Variants in ST18 observed in about 807,000 individuals in gnomAD.
The protein encoded by ST18 is suppression of tumorigenicity 18 protein.
ST18 carries 50 observed loss-of-function variants against 110.0 expected under a neutral mutation model. That is an observed-to-expected ratio of 0.45 (90% confidence interval 0.36 to 0.58). The LOEUF is 0.58. Among genes scored for constraint, ST18 ranks in the 20% least tolerant of loss-of-function variants. ST18 has a pLI of 0.00. For missense variants in ST18, 1,306 were observed against 1,280.1 expected (o/e 1.02, Z -0.31); for synonymous variants, 461 against 452.4 (o/e 1.02, Z -0.24).
chr8:52,147,159 A>G (rs1336022979), intron 16 of ST18, among the ~76,000 whole-genome samples: 1 of 152,186 alleles, frequency 6.6e-6, no homozygotes, highest in Non-Finnish European at 1.5e-5. Context: ...AAGAGCATCA[A>G]TCCACTCTAA....
chr8:52,378,862 G>A (rs879943459), intron 2 of ST18, among the ~76,000 whole-genome samples: 2 of 152,036 alleles, frequency 1.3e-5, no homozygotes, highest in Admixed American at 1.3e-4. Context: ...TCATTTTCTT[G>A]ATCTCATCAA....
chr8:52,382,924 G>A (rs1342040809), intron 2 of ST18, among the ~76,000 whole-genome samples: 1 of 152,260 alleles, frequency 6.6e-6, no homozygotes, highest in Admixed American at 6.5e-5. Flanking sequence ...TTCTGAAGAA[G>A]AGGCTCAGAG....
At chr8:52,339,223 C>T (rs1051083384) in intron 2 of ST18, among the ~76,000 whole-genome samples, 1 of 152,078 alleles carries the variant, frequency 6.6e-6, no homozygotes, top group African/African-American at 2.4e-5. Flanking sequence ...TGCTCTGAGC[C>T]CCAAGAGGCC....
intron 2 of ST18, among the ~76,000 whole-genome samples, chr8:52,339,842 T>A (rs1403699578): frequency 6.6e-6 from 1 of 152,270 alleles, no homozygotes; most frequent in African/African-American, 2.4e-5. Context: ...GTGGATCTTT[T>A]GACACCTTTA....
chr8:52,218,271 G>C (rs1306799031), intron 5 of ST18, among the ~76,000 whole-genome samples: 1 of 151,908 alleles, frequency 6.6e-6, no homozygotes, highest in East Asian at 1.9e-4. Context: ...AATAATTGCA[G>C]AAAATGTCAT....
intron 2 of ST18, among the ~76,000 whole-genome samples, chr8:52,285,407 T>G (rs2095453286): frequency 6.6e-6 from 1 of 152,218 alleles, no homozygotes; most frequent in Non-Finnish European, 1.5e-5. Flanking sequence ...CTGAGAAAAC[T>G]GTCTATACCT....
intron 2 of ST18, among the ~76,000 whole-genome samples, chr8:52,383,262 C>A (rs16917794): frequency 0.016 from 2,405 of 152,128 alleles, 65 homozygotes; most frequent in African/African-American, 0.055. Flanking sequence ...AGAAGGAGAA[C>A]AAATTCTATC....
intron 2 of ST18, among the ~76,000 whole-genome samples, chr8:52,231,485 C>CT (rs796253533): frequency 0.013 from 1,861 of 142,952 alleles, 21 homozygotes; most frequent in Admixed American, 0.029. Context: ...ACCTGGGTGG[C>CT]TTTTTTTTTT....
At chr8:52,315,582 C>A (rs1437643754) in intron 2 of ST18, among the ~76,000 whole-genome samples, 1 of 152,112 alleles carries the variant, frequency 6.6e-6, no homozygotes, top group Non-Finnish European at 1.5e-5. Flanking sequence ...GTATTTTCAG[C>A]CATCGTCCAC....
chr8:52,314,966 G>A (rs966197877), intron 2 of ST18, among the ~76,000 whole-genome samples: 2 of 152,264 alleles, frequency 1.3e-5, no homozygotes, highest in African/African-American at 4.8e-5. Context: ...CCAGGAGAAA[G>A]GGCATGAACC....
chr8:52,320,964 A>T (rs1803641036), intron 2 of ST18, among the ~76,000 whole-genome samples: 1 of 152,230 alleles, frequency 6.6e-6, no homozygotes, highest in Non-Finnish European at 1.5e-5. Flanking sequence ...CATGAAATGT[A>T]GTTAAAATAT....
intron 6 of ST18, among the ~76,000 whole-genome samples, chr8:52,215,327 C>T (rs762112466): frequency 9.2e-5 from 14 of 152,206 alleles, no homozygotes; most frequent in Admixed American, 2.0e-4. Context: ...CCATTCGACG[C>T]TCTCCAAGGT....
intron 15 of ST18, chr8:52,151,103 CTCT>C (rs1272887154): frequency 2.0e-5 from 3 of 152,152 alleles, no homozygotes; most frequent in Non-Finnish European, 4.4e-5. Context: ...TGGCTGGCCA[CTCT>C]TCTTTGAATA....
chr8:52,169,118 C>A (rs1339834785), intron 10 of ST18, among the ~76,000 whole-genome samples: 1 of 152,200 alleles, frequency 6.6e-6, no homozygotes, highest in South Asian at 2.1e-4. Context: ...GACAGTCCAC[C>A]GTGCCCCTTT....
chr8:52,231,965 T>C (rs2091515333), intron 2 of ST18, among the ~76,000 whole-genome samples: 1 of 152,208 alleles, frequency 6.6e-6, no homozygotes. Context: ...AGATCTATGG[T>C]GGGACCCGAG....
In ST18 at chr8:52,172,071, C is replaced by T. The variant is rs750211258; in HGVS notation, c.790G>A (p.Ala264Thr). The T allele has an allele frequency of 2.2e-5, 36 of 1,614,086 alleles. No individual in the cohort carries two copies. The highest frequency in any genetic ancestry group is 4.0e-5 in the African/African-American group (3 of 74,940). ...TERKDPQNAL[A>T]EPLDGNAQPS... ...TGGGCATTGCCATCCAGGGGTTCTG[C>T]GAGAGCATTCTGCGGGTCTTTCCTT... is the stretch of plus-strand genomic sequence containing the variant. Residue 264 changes from alanine (A) to threonine (T), a missense_variant, in exon 10 of 26, where the codon GCA becomes ACA. Transcript: ENST00000689386.
Position 52,131,291 on chromosome 8 carries a change from T to C in ST18, c.2666+667A>G, listed in dbSNP as rs115544010. On this transcript the variant is annotated intron_variant, in intron 22 of 25. Transcript: ENST00000689386. ...ACAGGACCCCCTGTAGGGAGAAATA[T>C]GTAGGGAAGCTTCTAATCTTTCCCT... Among the ~76,000 whole-genome samples the C allele has an allele frequency of 7.4e-3, 1,132 of 152,296 alleles. 25 individuals carry two copies. The highest frequency in any genetic ancestry group is 0.026 in the African/African-American group (1,069 of 41,558).
intron 2 of ST18, among the ~76,000 whole-genome samples, chr8:52,377,120 T>C (rs532481675): frequency 6.6e-6 from 1 of 152,292 alleles, no homozygotes; most frequent in Non-Finnish European, 1.5e-5. Flanking sequence ...TCTCTATTAG[T>C]ACATGGAAAA....
chr8:52,268,596 G>A (rs1429600978), intron 2 of ST18, among the ~76,000 whole-genome samples: 1 of 151,640 alleles, frequency 6.6e-6, no homozygotes, highest in Non-Finnish European at 1.5e-5. Context: ...TATATTGTTT[G>A]CTTAGAAAGA....
Sources: allele counts gnomAD v4.1 joint callset (sites outside exome capture counted in the v4.1 genomes callset), GRCh38; gene constraint gnomAD v4.1.1; transcripts MANE v1.5; gene names NCBI Gene and HGNC (gene_info 2026-07-23, HGNC 2026-07-21).